The following PRDM4 variants were observed in gnomAD, a reference collection of about 807,000 sequenced individuals.
PRDM4 encodes PR domain zinc finger protein 4.
In PRDM4, 38 loss-of-function variants were observed where a neutral mutation model predicts 62.3. The ratio of observed to expected loss-of-function variants is 0.61; its 90% CI spans 0.47 to 0.80. PRDM4 has a LOEUF of 0.80. Among genes scored for constraint, PRDM4 ranks in the 30% least tolerant of loss-of-function variants. PRDM4 has a pLI of 0.00. For missense variants in PRDM4, 858 were observed against 997.1 expected (o/e 0.86, Z 1.88); for synonymous variants, 339 against 348.2 (o/e 0.97, Z 0.30).
intron 7 of PRDM4, 108 bp from the exon 8 acceptor site, chr12:107,743,390 A>C: frequency 1.4e-6 from 1 of 719,946 alleles, no homozygotes; most frequent in Non-Finnish European, 2.4e-6. Context: ...AGTAGGTCCC[A>C]GCTTTCTTAG....
At position 107,757,942 on chromosome 12, in the gene PRDM4, C is replaced by T. The variant is rs563334139; in HGVS notation, c.12-977G>A. ...AGAGACTGCCATACTATAAACATTA[C>T]AGAACCACTAGGCTAGCCAACAGGT... On this transcript the variant is annotated intron_variant, in intron 2 of 11. Transcript: ENST00000228437. 3.7e-4 allele frequency among the ~76,000 whole-genome samples: 57 copies of T among 152,280 alleles called. 2 individuals carry two copies. The South Asian group carries it at 0.012, about 31-fold the overall frequency.
Position 107,733,904 on chromosome 12 carries a change from A to T in PRDM4, c.*306T>A, listed in dbSNP as rs1385422716. On this transcript the variant is annotated 3_prime_UTR_variant, in exon 12 of 12. Transcript: ENST00000228437. ...AAATAAATCTGATTTGTTTGAGCAG[A>T]AGGCAGCTTTGATTCAGGCATAAAT... 3.4e-6 allele frequency: 1 copy of T among 292,638 alleles called. No homozygotes were observed. The highest frequency in any genetic ancestry group is 6.3e-6 in the Non-Finnish European group (1 of 158,488). 18.1% of individuals were successfully genotyped at this position (292,638 alleles called of 1,614,324 possible).
intron 3 of PRDM4, 127 bp from the exon 4 acceptor site, chr12:107,754,236 T>C (rs998375961): frequency 1.5e-6 from 1 of 659,404 alleles, no homozygotes; most frequent in African/African-American, 1.8e-5. Context: ...CTAGCCCTTT[T>C]CATCCTTAGA....
In PRDM4 at chr12:107,761,059, C is replaced by A. The variant is rs1447749353; in HGVS notation, c.-359G>T. 1.3e-5 allele frequency: 2 copies of A among 151,586 alleles called. No individual in the cohort carries two copies. The highest frequency in any genetic ancestry group is 2.9e-5 in the Non-Finnish European group (2 of 67,994). 9.4% of individuals were successfully genotyped at this position (151,586 alleles called of 1,614,324 possible). A position where few individuals can be genotyped will look rare whatever the true frequency, so the allele number is the denominator to read the frequency against. On this transcript the variant is annotated 5_prime_UTR_variant, in exon 1 of 12. Transcript: ENST00000228437. ...TGCCCGTCCGCTCGGCCCCCTCACCCCGGGGGCCGCTGCCCTAACGTTTCC... is the reference window on the plus strand; with the variant it reads ...TGCCCGTCCGCTCGGCCCCCTCACCACGGGGGCCGCTGCCCTAACGTTTCC...
intron 4 of PRDM4, among the ~76,000 whole-genome samples, chr12:107,753,562 C>T (rs1247383114): frequency 2.0e-5 from 3 of 152,042 alleles, no homozygotes; most frequent in East Asian, 1.9e-4. Flanking sequence ...TATAATACTC[C>T]TATAACAGAA....
At chr12:107,759,773 T>C (rs758781915) in intron 2 of PRDM4, 1 of 152,208 alleles carries the variant, frequency 6.6e-6, no homozygotes, top group African/African-American at 2.4e-5. Flanking sequence ...TCCTATGAGA[T>C]TCTAAGAAGC....
At chr12:107,754,584 T>C (rs1357929170) in intron 3 of PRDM4, among the ~76,000 whole-genome samples, 1 of 152,274 alleles carries the variant, frequency 6.6e-6, no homozygotes, top group East Asian at 1.9e-4. Context: ...GGTTTCACCA[T>C]GTTGGCCAGG....
In PRDM4 at chr12:107,734,451, T is replaced by G; in HGVS notation, c.2165A>C (p.Asn722Thr). The stretch of plus-strand genomic sequence containing the variant: ...ATAATCCCGTTTTCCTTCATGAGAA[T>G]TGAGATGCTTCTTTAAGTGATTTGT... ...LRTNHLKKHLNSHEGKRDYVC... is the reference protein window; with the variant it reads ...LRTNHLKKHLTSHEGKRDYVC... Residue 722 changes from asparagine (N) to threonine (T), a missense_variant, in exon 12 of 12, where the codon AAT becomes ACT. By Grantham distance (65) the Asn-to-Thr change is moderately conservative. Coordinates refer to ENST00000228437, the MANE Select transcript of PRDM4 (RefSeq NM_012406.4). 2 of 1,614,182 alleles carry G rather than the reference T, an allele frequency of 1.2e-6. No individual in the cohort carries two copies. The highest frequency in any genetic ancestry group is 1.7e-6 in the Non-Finnish European group (2 of 1,179,998).
chr12:107,750,144 C>G (rs1364394810), intron 5 of PRDM4, among the ~76,000 whole-genome samples: 3 of 152,202 alleles, frequency 2.0e-5, no homozygotes, highest in African/African-American at 7.2e-5. Context: ...TATATTGTAA[C>G]AGTCTCCTAT....
At chr12:107,744,503 A>T (rs763648927) in intron 7 of PRDM4, 40 bp downstream of exon 7, 17 of 1,590,308 alleles carry the variant, frequency 1.1e-5, no homozygotes, top group Middle Eastern at 3.3e-4. Flanking sequence ...TTACTAAGAA[A>T]AACAGCCAAA....
intron 6 of PRDM4, among the ~76,000 whole-genome samples, 158 bp downstream of exon 6, chr12:107,746,117 T>C (rs924600783): frequency 6.6e-5 from 10 of 152,232 alleles, no homozygotes; most frequent in Admixed American, 5.2e-4. Flanking sequence ...ATTGCTATCA[T>C]CAGTGGACAA....
intron 11 of PRDM4, among the ~76,000 whole-genome samples, chr12:107,738,877 A>G: frequency 1.2e-5 from 1 of 81,472 alleles, no homozygotes; most frequent in South Asian, 4.2e-4. Flanking sequence ...CAATTCAGAC[A>G]AACACACACA....
chr12:107,737,054 T>A (rs1566091381), intron 11 of PRDM4: 4 of 151,954 alleles, frequency 2.6e-5, no homozygotes. Context: ...GAGACATAAA[T>A]CATATGACGG....
At chr12:107,748,271 C>T (rs181162086) in intron 5 of PRDM4, among the ~76,000 whole-genome samples, 44 of 152,242 alleles carry the variant, frequency 2.9e-4, no homozygotes, top group Non-Finnish European at 5.1e-4. Context: ...GCTGCTAGGA[C>T]GGTAACATGG....
Position 107,734,380 on chromosome 12 carries a change from T to A in PRDM4, c.2236A>T (p.Thr746Ser), listed in dbSNP as rs1415047147. Residue 746 changes from threonine to serine, a missense_variant, in exon 12 of 12, where the codon ACC becomes TCC. Thr to Ser is a moderately conservative substitution (Grantham distance 58, BLOSUM62 1). This residue lies in a region of PRDM4 where 355 missense variants were observed against 432.6 expected (regional missense o/e 0.82). Transcript: ENST00000228437. ...TKAYLTKYHL[T>S]RHLKTCKGPT... ...CCTTTGCAGGTTTTCAGGTGGCGGG[T>A]GAGATGGTATTTGGTTAGATAAGCC... 1 of 1,613,938 alleles carries A rather than the reference T, an allele frequency of 6.2e-7. No homozygotes were observed. Among genetic ancestry groups the A allele is most frequent in the Non-Finnish European group, 8.5e-7 (1 of 1,180,010 alleles).
At position 107,760,548 on chromosome 12, in the gene PRDM4, C is replaced by T; in HGVS notation, c.-33G>A. 6.2e-7 allele frequency: 1 copy of T among 1,612,310 alleles called. No homozygotes were observed. Among genetic ancestry groups the T allele is most frequent in the Non-Finnish European group, 8.5e-7 (1 of 1,179,210 alleles). On this transcript the variant is annotated 5_prime_UTR_variant, in exon 2 of 12. Transcript: ENST00000228437. ...GGGCCAAATATCAGAGAAAGGAGCG[C>T]TCGGGTGGTGGGGAACAGGCATCAG... is the stretch of plus-strand genomic sequence containing the variant.
intron 11 of PRDM4, chr12:107,738,064 A>T (rs1890390735): frequency 6.6e-6 from 1 of 152,192 alleles, no homozygotes; most frequent in Non-Finnish European, 1.5e-5. Flanking sequence ...GTCAGAGATC[A>T]GGGTGCCAGC....
At chr12:107,740,144 G>C (rs763636560) in intron 10 of PRDM4, among the ~76,000 whole-genome samples, 7 of 152,112 alleles carry the variant, frequency 4.6e-5, no homozygotes, top group Non-Finnish European at 8.8e-5. Flanking sequence ...GAGAAAAGAT[G>C]ACCCCAACAA....
Position 107,755,855 on chromosome 12 carries a change from A to C in PRDM4, c.145+977T>G, listed in dbSNP as rs1360984699. On this transcript the variant is annotated intron_variant, in intron 3 of 11. Coordinates refer to ENST00000228437, the MANE Select transcript of PRDM4 (RefSeq NM_012406.4). ...ATCCCAGCACTCTGGGAGGCCGAGGAGGGCGGATCACCTGAGGGCAGGAGT... is the reference window on the plus strand; with the variant it reads ...ATCCCAGCACTCTGGGAGGCCGAGGCGGGCGGATCACCTGAGGGCAGGAGT... 2.4e-4 allele frequency among the ~76,000 whole-genome samples: 37 copies of C among 152,088 alleles called. 1 individual carries two copies. The highest frequency in any genetic ancestry group is 4.4e-5 in the Non-Finnish European group (3 of 68,010).
Sources: allele counts gnomAD v4.1 joint callset (sites outside exome capture counted in the v4.1 genomes callset), GRCh38; gene constraint gnomAD v4.1.1; regional missense constraint gnomAD v4.1.1; transcripts MANE v1.5; gene names NCBI Gene and HGNC (gene_info 2026-07-23, HGNC 2026-07-21).